The following CHODL variants were observed in gnomAD, a reference collection of about 807,000 sequenced individuals.
The protein encoded by CHODL is chondrolectin.
In CHODL, 29 loss-of-function variants were observed where a neutral mutation model predicts 34.5. That is an observed-to-expected ratio of 0.84 (90% CI 0.63 to 1.15). The LOEUF is 1.15. Among genes scored for constraint, CHODL ranks in the 50% most tolerant of loss-of-function variants. The pLI is 0.00. For missense variants in CHODL, 332 were observed against 332.5 expected (o/e 1.00, Z 0.01); for synonymous variants, 125 against 116.1 (o/e 1.08, Z -0.49).
chr21:18,085,040 A>G (rs1462784904), intron 2 of CHODL, among the ~76,000 whole-genome samples: 1 of 151,890 alleles, frequency 6.6e-6, no homozygotes, highest in African/African-American at 2.4e-5. Flanking sequence ...CTTTGTCATT[A>G]TATAATGATC....
intron 2 of CHODL, among the ~76,000 whole-genome samples, chr21:18,225,043 G>A (rs2073918787): frequency 6.6e-6 from 1 of 152,090 alleles, no homozygotes; most frequent in Non-Finnish European, 1.5e-5. Context: ...TTTCCTGTGT[G>A]TACAGTATGT....
intron 2 of CHODL, among the ~76,000 whole-genome samples, chr21:18,128,033 G>T (rs2072597138): frequency 6.6e-6 from 1 of 151,890 alleles, no homozygotes; most frequent in African/African-American, 2.4e-5. Context: ...GGGCGTATTG[G>T]CTCATGCTTG....
At chr21:17,943,678 A>G (rs2063383586) in intron 1 of CHODL, among the ~76,000 whole-genome samples, 1 of 152,206 alleles carries the variant, frequency 6.6e-6, no homozygotes, top group Non-Finnish European at 1.5e-5. Flanking sequence ...GAAATGAACA[A>G]TATCTGAATT....
At chr21:18,254,933 A>G (rs1442750889) in intron 1 of CHODL, among the ~76,000 whole-genome samples, 1 of 152,004 alleles carries the variant, frequency 6.6e-6, no homozygotes, top group Non-Finnish European at 1.5e-5. Context: ...TTAGAGCAGA[A>G]TTTCATTATG....
At chr21:17,926,534 A>G (rs1467387743) in intron 1 of CHODL, among the ~76,000 whole-genome samples, 1 of 152,176 alleles carries the variant, frequency 6.6e-6, no homozygotes, top group African/African-American at 2.4e-5. Context: ...GGCAGAAGGC[A>G]AAGGAGAAGC....
At chr21:18,230,866 A>G (rs915994944) in intron 2 of CHODL, among the ~76,000 whole-genome samples, 3 of 152,120 alleles carry the variant, frequency 2.0e-5, no homozygotes, top group Non-Finnish European at 4.4e-5. Context: ...GACTTTCTCA[A>G]AAGATGATTA....
rs1007974561 is a variant in CHODL, at chr21:18,090,443, G to A, written c.-45+62472G>A. 2.6e-5 allele frequency among the ~76,000 whole-genome samples: 4 copies of A among 152,206 alleles called. No individual in the cohort carries two copies. In the East Asian group the frequency reaches 5.8e-4, roughly 22 times the overall value. On this transcript the variant is annotated intron_variant, in intron 2 of 6. Transcript: ENST00000400127. ...TTGAAACATAAAAGAGAAAGATGAA[G>A]ATGATTGAACAGGATAACCATGTCC... is the stretch of plus-strand genomic sequence containing the variant.
intron 2 of CHODL, among the ~76,000 whole-genome samples, chr21:18,129,938 G>C (rs1287679981): frequency 3.3e-5 from 5 of 151,250 alleles, no homozygotes; most frequent in Non-Finnish European, 7.4e-5. Context: ...GTCTGTGTGT[G>C]TGTATGAGCA....
chr21:18,047,911 C>T (rs962255621), intron 2 of CHODL, among the ~76,000 whole-genome samples: 11 of 151,906 alleles, frequency 7.2e-5, no homozygotes, highest in African/African-American at 2.2e-4. Flanking sequence ...TTTAATGTTC[C>T]ATAACCAAAA....
At chr21:18,009,449 A>AGTT (rs957181665) in intron 1 of CHODL, among the ~76,000 whole-genome samples, 3 of 152,166 alleles carry the variant, frequency 2.0e-5, no homozygotes, top group Non-Finnish European at 4.4e-5. Flanking sequence ...ATAAAATAGA[A>AGTT]GTTACACAAA....
chr21:18,206,512 T>C (rs1568936965), intron 2 of CHODL, among the ~76,000 whole-genome samples: 1 of 152,122 alleles, frequency 6.6e-6, no homozygotes, highest in Non-Finnish European at 1.5e-5. Flanking sequence ...TCTTTATTTT[T>C]AGTCTCTGTG....
At chr21:18,144,832 T>A (rs1425644954) in intron 2 of CHODL, among the ~76,000 whole-genome samples, 1 of 150,956 alleles carries the variant, frequency 6.6e-6, no homozygotes, top group Non-Finnish European at 1.5e-5. Context: ...ACTGATAAAT[T>A]CTATAAGGTA....
intron 1 of CHODL, among the ~76,000 whole-genome samples, chr21:17,992,174 T>C (rs1304758309): frequency 6.6e-6 from 1 of 152,194 alleles, no homozygotes; most frequent in Non-Finnish European, 1.5e-5. Flanking sequence ...TTATTTTCCA[T>C]TGGCCTATAT....
chr21:18,265,033 AAAT>A (rs1386624730), intron 5 of CHODL, among the ~76,000 whole-genome samples: 1 of 152,048 alleles, frequency 6.6e-6, no homozygotes, highest in African/African-American at 2.4e-5. Context: ...ATGATTTCCA[AAAT>A]AATTGATCAA....
chr21:17,997,657 T>A (rs1332310604), intron 1 of CHODL, among the ~76,000 whole-genome samples: 1 of 152,152 alleles, frequency 6.6e-6, no homozygotes, highest in Non-Finnish European at 1.5e-5. Context: ...GAAAGGCACT[T>A]CTTACATGGT....
At chr21:18,010,386 T>C (rs1255185212) in intron 1 of CHODL, among the ~76,000 whole-genome samples, 1 of 151,598 alleles carries the variant, frequency 6.6e-6, no homozygotes, top group African/African-American at 2.4e-5. Context: ...GGGTCAAATG[T>C]TAGCAAATGA....
At chr21:18,048,752 T>A (rs557621082) in intron 2 of CHODL, among the ~76,000 whole-genome samples, 1 of 151,842 alleles carries the variant, frequency 6.6e-6, no homozygotes, top group African/African-American at 2.4e-5. Context: ...ATGCTGAAAA[T>A]TTTTTTTGGA....
At chr21:18,192,998 G>A (rs1353885627) in intron 2 of CHODL, among the ~76,000 whole-genome samples, 2 of 152,058 alleles carry the variant, frequency 1.3e-5, no homozygotes, top group Admixed American at 6.6e-5. Flanking sequence ...ACATAGCATT[G>A]CTCTTTAGCA....
rs138828872 is a variant in CHODL, at chr21:17,917,876, C to CGTGT, written c.-145+487_-145+490dup. On this transcript the variant is annotated intron_variant, in intron 1 of 6. Coordinates refer to the CHODL transcript ENST00000400127. Reference sequence around the variant, plus strand: ...TCTTCTGTTGTCTCTCTCTGATATGCGTGTGTGTGTGTGTATGTGTGTGTG... The same window carrying CGTGT: ...TCTTCTGTTGTCTCTCTCTGATATGCGTGTGTGTGTGTGTGTGTATGTGTGTGTG... Among the ~76,000 whole-genome samples, 585 of 150,678 alleles carry CGTGT rather than the reference C, an allele frequency of 3.9e-3. 1 individual carries two copies. The highest frequency in any genetic ancestry group is 0.014 in the South Asian group (65 of 4,730).
Sources: allele counts gnomAD v4.1 joint callset (sites outside exome capture counted in the v4.1 genomes callset), GRCh38; gene constraint gnomAD v4.1.1; transcripts MANE v1.5; gene names NCBI Gene and HGNC (gene_info 2026-07-23, HGNC 2026-07-21).